Variants in RIMS2 observed in about 807,000 individuals in gnomAD.
RIMS2 encodes regulating synaptic membrane exocytosis protein 2.
Under a neutral mutation model 174.4 loss-of-function variants are expected in RIMS2, and 59 were observed. The ratio of observed to expected loss-of-function variants is 0.34; its 90% CI spans 0.27 to 0.42. The LOEUF (loss-of-function observed/expected upper bound fraction) is 0.42. Among genes scored for constraint, RIMS2 ranks in the 10% least tolerant of loss-of-function variants. The pLI, the probability that RIMS2 is intolerant of heterozygous loss-of-function variation, is 1.00. For synonymous variants in RIMS2, 606 were observed against 572.5 expected, an observed-to-expected ratio of 1.06 and a Z score of -0.84; for missense variants, 1,620 against 1,666.3, an observed-to-expected ratio of 0.97 and a Z score of 0.48.
At chr8:103,555,556 T>C (rs780010826) in intron 1 of RIMS2, among the ~76,000 whole-genome samples, 23 of 152,210 alleles carry the variant, frequency 1.5e-4, no homozygotes, top group African/African-American at 5.1e-4. Context: ...CAAAGAGATA[T>C]CTGTACTCCC....
chr8:103,507,599 A>C (rs1824290379), intron 1 of RIMS2, among the ~76,000 whole-genome samples: 1 of 152,100 alleles, frequency 6.6e-6, no homozygotes, highest in Non-Finnish European at 1.5e-5. Context: ...ATCAAATGTA[A>C]TTTTTAAACA....
intron 3 of RIMS2, among the ~76,000 whole-genome samples, chr8:103,843,659 G>C (rs1314018446): frequency 6.6e-6 from 1 of 152,100 alleles, no homozygotes; most frequent in African/African-American, 2.4e-5. Flanking sequence ...AGTTAGAATA[G>C]TGCATATTTC....
chr8:104,024,617 A>G (rs1192828770), intron 19 of RIMS2, among the ~76,000 whole-genome samples: 2 of 152,118 alleles, frequency 1.3e-5, no homozygotes, highest in Non-Finnish European at 2.9e-5. Flanking sequence ...GCTATTTTAA[A>G]TGTGTTGTAT....
At chr8:104,038,080 A>G (rs547846769) in intron 19 of RIMS2, among the ~76,000 whole-genome samples, 6 of 152,128 alleles carry the variant, frequency 3.9e-5, no homozygotes, top group Middle Eastern at 6.8e-3. Context: ...ATTACACTCT[A>G]TAATACACAA....
intron 19 of RIMS2, among the ~76,000 whole-genome samples, chr8:104,051,340 G>T (rs2096782278): frequency 6.6e-6 from 1 of 151,966 alleles, no homozygotes; most frequent in Admixed American, 6.6e-5. Flanking sequence ...TTGACATGAA[G>T]AAAGCTATGT....
intron 10 of RIMS2, among the ~76,000 whole-genome samples, chr8:103,922,294 A>AC (rs1341024490): frequency 6.6e-6 from 1 of 151,940 alleles, no homozygotes; most frequent in Non-Finnish European, 1.5e-5. Context: ...TGAAATAGAG[A>AC]AATATATAAT....
At chr8:103,995,292 C>A (rs1271940766) in intron 17 of RIMS2, among the ~76,000 whole-genome samples, 3 of 152,144 alleles carry the variant, frequency 2.0e-5, no homozygotes, top group Non-Finnish European at 2.9e-5. Flanking sequence ...CCTGGTCTAG[C>A]CAGACAAATT....
At chr8:104,095,209 A>G (rs928060355) in intron 19 of RIMS2, among the ~76,000 whole-genome samples, 1 of 152,192 alleles carries the variant, frequency 6.6e-6, no homozygotes, top group African/African-American at 2.4e-5. Flanking sequence ...AACTTCAAAA[A>G]TGAATGAGAA....
rs371889280 is a variant in RIMS2, at chr8:104,093,604, C to G, written c.3334+78989C>G. ...CGTTTCAGCAGCACAAGCTACATGT[C>G]TGTCCAATCAGAACGCCCAGGAGGA... is the stretch of plus-strand genomic sequence containing the variant. On this transcript the variant is annotated intron_variant, in intron 19 of 23. Coordinates refer to ENST00000504942, the Ensembl canonical transcript of RIMS2. 45 of 1,597,256 alleles carry G rather than the reference C, an allele frequency of 2.8e-5. No homozygotes were observed. In the African/African-American group the frequency reaches 5.3e-4, roughly 19 times the overall value.
chr8:104,143,672 C>A (rs1287867614), intron 19 of RIMS2, among the ~76,000 whole-genome samples: 1 of 152,202 alleles, frequency 6.6e-6, no homozygotes, highest in Non-Finnish European at 1.5e-5. Context: ...AGCCTTATCA[C>A]CACTTTCTTG....
At chr8:103,635,005 G>A (rs2096040541) in intron 1 of RIMS2, among the ~76,000 whole-genome samples, 1 of 152,090 alleles carries the variant, frequency 6.6e-6, no homozygotes, top group Non-Finnish European at 1.5e-5. Context: ...GGGGCATTTA[G>A]CCCATTTACA....
chr8:103,873,690 C>A (rs922235024), intron 3 of RIMS2, among the ~76,000 whole-genome samples: 5 of 151,994 alleles, frequency 3.3e-5, no homozygotes, highest in Admixed American at 6.6e-5. Context: ...GATTTTTAAT[C>A]TCAGGAAAGA....
At chr8:103,608,489 G>A (rs1294077619) in intron 1 of RIMS2, among the ~76,000 whole-genome samples, 4 of 144,500 alleles carry the variant, frequency 2.8e-5, no homozygotes, top group Non-Finnish European at 4.6e-5. Flanking sequence ...ACAGAGGCAG[G>A]CAGGCCTCCT....
At position 103,735,130 on chromosome 8, in the gene RIMS2, C is replaced by T. The variant is rs148394345; in HGVS notation, c.388-31097C>T. Among the ~76,000 whole-genome samples the T allele has an allele frequency of 4.7e-3, 710 of 152,274 alleles. 3 individuals carry two copies. Among genetic ancestry groups the T allele is most frequent in the Non-Finnish European group, 7.7e-3 (523 of 68,020 alleles). ...CTCACATCTGTGGCAGCTTCCTCCT[C>T]TTCTCACTGCTCTGTTAGTGATGAA... is the stretch of plus-strand genomic sequence containing the variant. On this transcript the variant is annotated intron_variant, in intron 2 of 23. Coordinates refer to ENST00000504942, the Ensembl canonical transcript of RIMS2.
At chr8:103,871,985 A>G (rs1392082796) in intron 3 of RIMS2, among the ~76,000 whole-genome samples, 1 of 152,166 alleles carries the variant, frequency 6.6e-6, no homozygotes, top group African/African-American at 2.4e-5. Context: ...ATGGCTACCC[A>G]TTGCACATTT....
intron 19 of RIMS2, chr8:104,148,689 A>G: frequency 1.1e-5 from 17 of 1,598,332 alleles, no homozygotes; most frequent in Non-Finnish European, 1.4e-5. Context: ...CAGTGGAGAC[A>G]TGTGCTCACT....
chr8:103,704,759 A>G (rs1244335958), intron 2 of RIMS2, among the ~76,000 whole-genome samples: 1 of 151,902 alleles, frequency 6.6e-6, no homozygotes, highest in Admixed American at 6.6e-5. Flanking sequence ...TTTTGCATAT[A>G]TTTGTTCACA....
chr8:103,615,112 T>C (rs1200271269), intron 1 of RIMS2, among the ~76,000 whole-genome samples: 3 of 152,192 alleles, frequency 2.0e-5, no homozygotes, highest in Non-Finnish European at 2.9e-5. Context: ...TTTACTGCTC[T>C]AAAATTGACC....
At chr8:103,584,716 C>T (rs1436661198) in intron 1 of RIMS2, among the ~76,000 whole-genome samples, 1 of 151,986 alleles carries the variant, frequency 6.6e-6, no homozygotes, top group Admixed American at 6.6e-5. Context: ...GACTTCAATT[C>T]AAAACACATA....
Sources: gnomAD v4.1 joint callset for allele counts (sites outside exome capture counted in the v4.1 genomes callset) on GRCh38, gnomAD v4.1.1 for gene constraint, MANE v1.5 for transcripts, NCBI Gene and HGNC (gene_info 2026-07-23, HGNC 2026-07-21) for gene names.